The following IGSF3 variants were observed in gnomAD, a reference collection of about 807,000 sequenced individuals.
IGSF3 encodes immunoglobulin superfamily member 3.
A neutral mutation model predicts 114.4 loss-of-function variants in IGSF3; 23 were observed. The observed-to-expected ratio is 0.20, with a 90% CI of 0.14 to 0.28. The LOEUF (loss-of-function observed/expected upper bound fraction) is 0.28, where lower values mean the gene tolerates loss of function less well. IGSF3 is among the 10% of genes least tolerant of loss of function. The pLI, the probability that IGSF3 is intolerant of heterozygous loss-of-function variation, is 1.00. For synonymous variants in IGSF3, 571 were observed against 645.2 expected, an observed-to-expected ratio of 0.88 and a Z score of 1.74; for missense variants, 1,172 against 1,591.5, an observed-to-expected ratio of 0.74 and a Z score of 4.48.
rs1446540012 is a variant in IGSF3, at chr1:116,650,975, C to A, written c.43+15309G>T. Among the ~76,000 whole-genome samples, 1 of 152,240 alleles carries A rather than the reference C, an allele frequency of 6.6e-6. No individual in the cohort carries two copies. The highest frequency in any genetic ancestry group is 1.5e-5 in the Non-Finnish European group (1 of 68,052). On this transcript the variant is annotated intron_variant, in intron 2 of 10. Transcript: ENST00000369486. This position sits in a 1 kb window ranked among gnomAD's most constrained non-coding sequence, Gnocchi z 5.0. ...GGCCAGAGTGCTGGGCTTCTCCCAG[C>A]GGGATCCAGCTGGGGCCTTCTCCTC... is the stretch of plus-strand genomic sequence containing the variant.
At chr1:116,656,078 C>A (rs1648833142) in intron 2 of IGSF3, among the ~76,000 whole-genome samples, 1 of 151,938 alleles carries the variant, frequency 6.6e-6, no homozygotes, top group Admixed American at 6.6e-5. Context: ...TAAAATTAAG[C>A]CTGAAAAAAT....
intron 4 of IGSF3, among the ~76,000 whole-genome samples, chr1:116,613,081 G>T (rs931981313): frequency 6.6e-6 from 1 of 152,162 alleles, no homozygotes; most frequent in African/African-American, 2.4e-5. Flanking sequence ...TCTCAGACTG[G>T]CCTCATCAAC....
Position 116,647,236 on chromosome 1 carries a change from T to G in IGSF3, c.43+19048A>C, listed in dbSNP as rs546811532. On this transcript the variant is annotated intron_variant, in intron 2 of 10. Transcript: ENST00000369486. The surrounding 1 kb of genome is among the most constrained non-coding windows in gnomAD (Gnocchi z 4.6). ...GCTGCCGATGCCCTTGACAGCGATG[T>G]CTGAGGCTGGCGTGAGTGCTCCATG... 3.9e-5 allele frequency among the ~76,000 whole-genome samples: 6 copies of G among 152,358 alleles called. No individual in the cohort carries two copies. In the East Asian group the frequency reaches 1.2e-3, roughly 29 times the overall value.
intron 2 of IGSF3, among the ~76,000 whole-genome samples, chr1:116,653,582 G>C (rs903684513): frequency 6.6e-6 from 1 of 152,144 alleles, no homozygotes; most frequent in Non-Finnish European, 1.5e-5. Flanking sequence ...CAAAGATGAC[G>C]TGCATCAGAG....
chr1:116,578,119 G>T (rs1265336890), intron 10 of IGSF3, among the ~76,000 whole-genome samples: 1 of 152,180 alleles, frequency 6.6e-6, no homozygotes, highest in African/African-American at 2.4e-5. Flanking sequence ...CACAGTATTA[G>T]TTATAGCTGG....
At chr1:116,641,021 C>T (rs1648068000) in intron 2 of IGSF3, among the ~76,000 whole-genome samples, 1 of 152,120 alleles carries the variant, frequency 6.6e-6, no homozygotes, top group African/African-American at 2.4e-5. Context: ...TTCATTAACA[C>T]GTGGGAATAC....
chr1:116,647,826 G>T lies in IGSF3; in HGVS notation c.43+18458C>A, dbSNP rs1648462424. Among the ~76,000 whole-genome samples the T allele has an allele frequency of 6.6e-6, 1 of 152,190 alleles. No homozygotes were observed. The highest frequency in any genetic ancestry group is 6.5e-5 in the Admixed American group (1 of 15,282). On this transcript the variant is annotated intron_variant, in intron 2 of 10. Coordinates refer to ENST00000369486, the MANE Select transcript of IGSF3 (RefSeq NM_001007237.3). This position sits in a 1 kb window ranked among gnomAD's most constrained non-coding sequence, Gnocchi z 4.6. ...GTGTGTAAAATAAGAGCAGCTGACTGGGCACGGTGGCTCACGCCTGTAATC... is the reference window on the plus strand; with the variant it reads ...GTGTGTAAAATAAGAGCAGCTGACTTGGCACGGTGGCTCACGCCTGTAATC...
chr1:116,579,302 G>A lies in IGSF3; in HGVS notation c.3334+90C>T, dbSNP rs1659486998. 3.4e-6 allele frequency: 5 copies of A among 1,471,326 alleles called. No homozygotes were observed. In the Admixed American group the frequency reaches 1.2e-4, roughly 34 times the overall value. 91.1% of individuals were successfully genotyped at this position (1,471,326 alleles called of 1,614,324 possible). A position where few individuals can be genotyped will look rare whatever the true frequency, so the allele number is the denominator to read the frequency against. ...AATGCCCATGACAGTTAAGAAAACT[G>A]TTTATTAACCCATAATCAAGCTCAA... On this transcript the variant is annotated intron_variant, in intron 10 of 10. Coordinates refer to ENST00000369486, the MANE Select transcript of IGSF3 (RefSeq NM_001007237.3). This position sits in a 1 kb window ranked among gnomAD's most constrained non-coding sequence, Gnocchi z 6.4.
intron 1 of IGSF3, among the ~76,000 whole-genome samples, chr1:116,667,302 GC>G (rs932840100): frequency 6.6e-6 from 1 of 152,076 alleles, no homozygotes; most frequent in African/African-American, 2.4e-5. Flanking sequence ...CCCGGCCCCC[GC>G]CCCAACCGTG....
rs80035124 is a variant in IGSF3 at position 116,610,157 on chromosome 1, G to A, written c.833-1826C>T. Among the ~76,000 whole-genome samples the A allele has an allele frequency of 6.6e-5, 10 of 152,314 alleles. No homozygotes were observed. Among genetic ancestry groups the A allele is most frequent in the African/African-American group, 2.2e-4 (9 of 41,560 alleles). Reference sequence around the variant, plus strand: ...AACACACCCATATGGGACAGTCCCCGTGTTATCTGCTGGATATTATCTCTC... The same window carrying A: ...AACACACCCATATGGGACAGTCCCCATGTTATCTGCTGGATATTATCTCTC... On this transcript the variant is annotated intron_variant, in intron 4 of 10. Transcript: ENST00000369486. The surrounding 1 kb of genome is among the most constrained non-coding windows in gnomAD (Gnocchi z 4.3).
At chr1:116,611,133 C>G (rs1208494307) in intron 4 of IGSF3, among the ~76,000 whole-genome samples, 1 of 152,192 alleles carries the variant, frequency 6.6e-6, no homozygotes, top group African/African-American at 2.4e-5. Flanking sequence ...GCTTCAGACT[C>G]AACAGATTTA....
chr1:116,629,385 T>C lies in IGSF3; in HGVS notation c.44-12928A>G, dbSNP rs1647456537. 6.6e-6 allele frequency among the ~76,000 whole-genome samples: 1 copy of C among 152,238 alleles called. No homozygotes were observed. Among genetic ancestry groups the C allele is most frequent in the African/African-American group, 2.4e-5 (1 of 41,446 alleles). ...TGGGGTAATAAGGGATTGTTTTTTC[T>C]TTGCACTTTGTGTTTTCTAAGTATT... is the stretch of plus-strand genomic sequence containing the variant. On this transcript the variant is annotated intron_variant, in intron 2 of 10. Transcript: ENST00000369486. This position sits in a 1 kb window ranked among gnomAD's most constrained non-coding sequence, Gnocchi z 4.3.
rs1329547975 is a variant in IGSF3, at chr1:116,649,063, C to G, written c.43+17221G>C. Among the ~76,000 whole-genome samples, 2 of 152,246 alleles carry G rather than the reference C, an allele frequency of 1.3e-5. No homozygotes were observed. The highest frequency in any genetic ancestry group is 2.9e-5 in the Non-Finnish European group (2 of 68,042). Reference sequence around the variant, plus strand: ...GACCACATACCACCCAGACCCAACACAAATAGCTGTCAGCACTGCCACCCA... The same window carrying G: ...GACCACATACCACCCAGACCCAACAGAAATAGCTGTCAGCACTGCCACCCA... On this transcript the variant is annotated intron_variant, in intron 2 of 10. Coordinates refer to ENST00000369486, the MANE Select transcript of IGSF3 (RefSeq NM_001007237.3). This position sits in a 1 kb window ranked among gnomAD's most constrained non-coding sequence, Gnocchi z 4.5.
rs547402953 is a variant in IGSF3, at chr1:116,652,501, CA to C, written c.43+13782del. ...GAACCATTATATTAAGAGAAAGTAT[CA>C]AAAGCTTCACTTAGAGTAACAGTCA... On this transcript the variant is annotated intron_variant, in intron 2 of 10. Transcript: ENST00000369486. 3.8e-3 allele frequency among the ~76,000 whole-genome samples: 578 copies of C among 152,314 alleles called. 2 individuals carry two copies. Among genetic ancestry groups the C allele is most frequent in the Non-Finnish European group, 5.7e-3 (386 of 68,034 alleles).
chr1:116,639,075 AC>A (rs1485299355), intron 2 of IGSF3, among the ~76,000 whole-genome samples: 1 of 152,242 alleles, frequency 6.6e-6, no homozygotes. Flanking sequence ...GGAGACTGCC[AC>A]AATCAGAGTC....
In IGSF3 at chr1:116,604,017, T is replaced by C. The variant is rs1660700742; in HGVS notation, c.1231A>G (p.Ile411Val). 2 of 1,603,824 alleles carry C rather than the reference T, an allele frequency of 1.2e-6. No homozygotes were observed. The highest frequency in any genetic ancestry group is 1.3e-5 in the African/African-American group (1 of 74,802). ...PIIVLPLKSSISVEVASNASV... is the reference protein window; with the variant it reads ...PIIVLPLKSSVSVEVASNASV... ...GCATTGCTGGCCACCTCCACGGAGA[T>C]GCTGCTCTCTAGGAAGAGGGAGAGA... is the stretch of plus-strand genomic sequence containing the variant. Residue 411 changes from isoleucine to valine, a missense_variant, in exon 6 of 11, where the codon ATC becomes GTC. Around this residue, in one of 3 missense-constraint regions of IGSF3, gnomAD observed 736 missense variants for 1,042.0 expected, o/e 0.71. Transcript: ENST00000369486.
In IGSF3 at chr1:116,577,641, C is replaced by T; in HGVS notation, c.3335-79G>A. 1 of 1,438,942 alleles carries T rather than the reference C, an allele frequency of 6.9e-7. No homozygotes were observed. Among genetic ancestry groups the T allele is most frequent in the Non-Finnish European group, 9.6e-7 (1 of 1,045,510 alleles). 89.1% of individuals were successfully genotyped at this position (1,438,942 alleles called of 1,614,324 possible). ...TCACATTTCCTTTTGAAGACCTCAC[C>T]TGACCCAGTGGAAGCTCCTCGGTGA... On this transcript the variant is annotated intron_variant, in intron 10 of 10. Coordinates refer to ENST00000369486, the MANE Select transcript of IGSF3 (RefSeq NM_001007237.3). This position sits in a 1 kb window ranked among gnomAD's most constrained non-coding sequence, Gnocchi z 5.7.
At position 116,628,026 on chromosome 1, in the gene IGSF3, A is replaced by G. The variant is rs560952270; in HGVS notation, c.44-11569T>C. Among the ~76,000 whole-genome samples the G allele has an allele frequency of 6.6e-6, 1 of 152,318 alleles. No individual in the cohort carries two copies. The highest frequency in any genetic ancestry group is 1.9e-4 in the East Asian group (1 of 5,182). ...TGACCCTCTCAGCAGTGGAAGCACT[A>G]GCCAATGTGCCATCCTCTTGGATGA... On this transcript the variant is annotated intron_variant, in intron 2 of 10. Transcript: ENST00000369486. The surrounding 1 kb of genome is among the most constrained non-coding windows in gnomAD (Gnocchi z 4.2).
rs1336275247 is a variant in IGSF3 at position 116,585,385 on chromosome 1, G to A, written c.2441-333C>T. ...CGGACCACAAAACATGTCGCTGGCCGGGGCAGGTGGCTGGGAAGGGCGGGG... is the reference window on the plus strand; with the variant it reads ...CGGACCACAAAACATGTCGCTGGCCAGGGCAGGTGGCTGGGAAGGGCGGGG... On this transcript the variant is annotated intron_variant, in intron 8 of 10. Transcript: ENST00000369486. The surrounding 1 kb of genome is among the most constrained non-coding windows in gnomAD (Gnocchi z 4.9). Among the ~76,000 whole-genome samples the A allele has an allele frequency of 6.6e-6, 1 of 152,158 alleles. No homozygotes were observed. Among genetic ancestry groups the A allele is most frequent in the Non-Finnish European group, 1.5e-5 (1 of 68,026 alleles).
Sources: allele counts gnomAD v4.1 joint callset (sites outside exome capture counted in the v4.1 genomes callset), GRCh38; gene constraint gnomAD v4.1.1; regional missense constraint gnomAD v4.1.1; non-coding constraint Gnocchi (gnomAD v3.1); transcripts MANE v1.5; gene names NCBI Gene and HGNC (gene_info 2026-07-23, HGNC 2026-07-21).